Variants in NRXN3 observed in about 807,000 individuals in gnomAD.
The protein encoded by NRXN3 is neurexin 3, also known as neurexin III.
NRXN3 carries 32 observed loss-of-function variants against 137.6 expected under a neutral mutation model. That is an observed-to-expected ratio of 0.23 (90% CI 0.18 to 0.31). The LOEUF (loss-of-function observed/expected upper bound fraction) is 0.31. Among genes scored for constraint, NRXN3 ranks in the 10% least tolerant of loss-of-function variants. The pLI, the probability that NRXN3 is intolerant of heterozygous loss-of-function variation, is 1.00. For synonymous variants in NRXN3, 798 were observed against 784.5 expected (o/e 1.02, Z -0.29); for missense variants, 1,574 against 2,062.5 (o/e 0.76, Z 4.59).
chr14:79,415,736 A>T (rs1296627912), intron 15 of NRXN3, among the ~76,000 whole-genome samples: 1 of 152,146 alleles, frequency 6.6e-6, no homozygotes, highest in East Asian at 1.9e-4. Flanking sequence ...GAAATGTAGC[A>T]TTGAGCCTAT....
At chr14:79,665,327 G>T (rs898739470) in intron 17 of NRXN3, among the ~76,000 whole-genome samples, 6 of 152,032 alleles carry the variant, frequency 3.9e-5, no homozygotes, top group Non-Finnish European at 8.8e-5. Flanking sequence ...CATTGCTAGG[G>T]GTCTCAGAAT....
At chr14:79,698,290 T>C (rs1188305784) in intron 19 of NRXN3, among the ~76,000 whole-genome samples, 3 of 152,042 alleles carry the variant, frequency 2.0e-5, no homozygotes, top group Non-Finnish European at 4.4e-5. Context: ...AAATCTGTTA[T>C]CATATGAAAA....
chr14:78,218,516 T>C (rs1485761783), intron 1 of NRXN3, among the ~76,000 whole-genome samples: 1 of 152,242 alleles, frequency 6.6e-6, no homozygotes, highest in Non-Finnish European at 1.5e-5. Flanking sequence ...CCCCCAGTCC[T>C]GGTTAGAAAG....
At chr14:78,810,368 T>A in intron 10 of NRXN3, 24 bp downstream of exon 10, 1 of 1,351,146 alleles carries the variant, frequency 7.4e-7, no homozygotes, top group Non-Finnish European at 1.0e-6. Context: ...CAAGTTTCAT[T>A]TTGTTCTTTA....
chr14:78,403,231 C>T (rs545966750), intron 4 of NRXN3, among the ~76,000 whole-genome samples: 2 of 152,278 alleles, frequency 1.3e-5, no homozygotes, highest in African/African-American at 4.8e-5. Flanking sequence ...AAGAAGGGGC[C>T]CCAGGTAACT....
intron 4 of NRXN3, among the ~76,000 whole-genome samples, chr14:78,547,086 C>T (rs540340794): frequency 3.3e-5 from 5 of 152,236 alleles, no homozygotes; most frequent in African/African-American, 1.2e-4. Context: ...GTTTATTTCT[C>T]GATTGTCTGT....
intron 15 of NRXN3, among the ~76,000 whole-genome samples, chr14:79,415,038 C>A (rs1246534497): frequency 6.6e-6 from 1 of 152,024 alleles, no homozygotes; most frequent in East Asian, 1.9e-4. Context: ...TATCAGAATA[C>A]CCTTCTTTGT....
At chr14:79,421,317 T>C (rs1475162284) in intron 15 of NRXN3, among the ~76,000 whole-genome samples, 4 of 152,200 alleles carry the variant, frequency 2.6e-5, no homozygotes, top group East Asian at 1.9e-4. Context: ...GTGCTATTGA[T>C]AAAATTTATG....
chr14:79,696,585 T>A (rs1454463574), intron 18 of NRXN3, among the ~76,000 whole-genome samples: 2 of 151,912 alleles, frequency 1.3e-5, no homozygotes, highest in Non-Finnish European at 2.9e-5. Context: ...TACTTTGAGT[T>A]TGCTTGGGAA....
chr14:79,552,145 A>T (rs895342442), intron 16 of NRXN3, among the ~76,000 whole-genome samples: 2 of 152,226 alleles, frequency 1.3e-5, no homozygotes, highest in African/African-American at 4.8e-5. Context: ...TTGTTTATTC[A>T]GTGAATCAAA....
At chr14:78,957,748 A>T (rs1454219226) in intron 11 of NRXN3, among the ~76,000 whole-genome samples, 1 of 152,208 alleles carries the variant, frequency 6.6e-6, no homozygotes, top group Non-Finnish European at 1.5e-5. Flanking sequence ...AGTAGAAGAG[A>T]TGGGCAAACC....
chr14:79,251,779 C>A (rs996763479), intron 15 of NRXN3, among the ~76,000 whole-genome samples: 1 of 151,614 alleles, frequency 6.6e-6, no homozygotes, highest in Non-Finnish European at 1.5e-5. Context: ...GCACTATTAC[C>A]CCCATTTTTC....
At chr14:78,557,295 C>G (rs2096748085) in intron 4 of NRXN3, among the ~76,000 whole-genome samples, 1 of 150,878 alleles carries the variant, frequency 6.6e-6, no homozygotes, top group Non-Finnish European at 1.5e-5. Context: ...CTCAAGCAAT[C>G]TTCCTGCCTT....
chr14:78,194,114 G>A (rs552851941), intron 1 of NRXN3, among the ~76,000 whole-genome samples: 24 of 152,308 alleles, frequency 1.6e-4, no homozygotes, highest in African/African-American at 5.1e-4. Context: ...GACCCACATC[G>A]GTCCCTTCCA....
At chr14:79,587,173 G>C (rs1440581168) in intron 16 of NRXN3, among the ~76,000 whole-genome samples, 1 of 152,188 alleles carries the variant, frequency 6.6e-6, no homozygotes, top group East Asian at 1.9e-4. Context: ...AGTAAAATCA[G>C]TTAAACTGCA....
At chr14:78,228,945 A>G (rs755098860) in intron 1 of NRXN3, among the ~76,000 whole-genome samples, 2 of 152,236 alleles carry the variant, frequency 1.3e-5, no homozygotes, top group Non-Finnish European at 2.9e-5. Flanking sequence ...GGCAAAAGTT[A>G]TAAGACTCAG....
intron 10 of NRXN3, among the ~76,000 whole-genome samples, chr14:78,889,781 T>C (rs2152695614): frequency 6.6e-6 from 1 of 152,010 alleles, no homozygotes; most frequent in South Asian, 2.1e-4. Context: ...TAGATAGGTG[T>C]CCCCTAAAAA....
intron 15 of NRXN3, among the ~76,000 whole-genome samples, chr14:79,197,518 T>C (rs1305089852): frequency 6.6e-6 from 1 of 151,970 alleles, no homozygotes; most frequent in Non-Finnish European, 1.5e-5. Context: ...CTACTGTTTT[T>C]TCTTCTCTTT....
chr14:78,548,564 A>G (rs562951121), intron 4 of NRXN3, among the ~76,000 whole-genome samples: 20 of 152,306 alleles, frequency 1.3e-4, no homozygotes, highest in African/African-American at 4.6e-4. Flanking sequence ...TTTTAAGAGG[A>G]TAAATCTAAA....
Sources: allele counts gnomAD v4.1 joint callset (sites outside exome capture counted in the v4.1 genomes callset), GRCh38; gene constraint gnomAD v4.1.1; transcripts MANE v1.5; gene names NCBI Gene and HGNC (gene_info 2026-07-23, HGNC 2026-07-21).